Variants in KATNA1 observed in about 807,000 individuals in gnomAD.
KATNA1 encodes the protein katanin p60 ATPase-containing subunit A1.
A neutral mutation model predicts 62.6 loss-of-function variants in KATNA1; 42 were observed. That is an observed-to-expected ratio of 0.67 (90% CI 0.52 to 0.87). The LOEUF (loss-of-function observed/expected upper bound fraction) is 0.87. Ranked by LOEUF, KATNA1 falls within the 40% of genes least tolerant of loss-of-function variation. The pLI is 0.00. For missense variants in KATNA1, 498 were observed against 612.5 expected, an observed-to-expected ratio of 0.81 and a Z score of 1.97; for synonymous variants, 186 against 201.9, an observed-to-expected ratio of 0.92 and a Z score of 0.67.
At chr6:149,644,217 A>G (rs1780396306) in intron 1 of KATNA1, among the ~76,000 whole-genome samples, 1 of 152,160 alleles carries the variant, frequency 6.6e-6, no homozygotes. Flanking sequence ...TAGTTGTTCT[A>G]GATGAGCTTG....
chr6:149,599,548 CCTTT>C (rs1778454517), intron 7 of KATNA1, among the ~76,000 whole-genome samples: 1 of 150,776 alleles, frequency 6.6e-6, no homozygotes, highest in Non-Finnish European at 1.5e-5. Context: ...GCAAATCATC[CCTTT>C]CTTTCTTTCC....
At chr6:149,644,288 G>GT (rs1247498424) in intron 1 of KATNA1, among the ~76,000 whole-genome samples, 1 of 151,864 alleles carries the variant, frequency 6.6e-6, no homozygotes, top group East Asian at 1.9e-4. Flanking sequence ...TTCCTTAATA[G>GT]TCTCCCTGGA....
chr6:149,640,396 T>C (rs1780232596), intron 1 of KATNA1, among the ~76,000 whole-genome samples: 1 of 151,686 alleles, frequency 6.6e-6, no homozygotes, highest in Non-Finnish European at 1.5e-5. Flanking sequence ...AGGTCAAAGC[T>C]GCAGTAAGCC....
chr6:149,611,700 T>C (rs1778962568), intron 4 of KATNA1, among the ~76,000 whole-genome samples: 1 of 151,932 alleles, frequency 6.6e-6, no homozygotes, highest in African/African-American at 2.4e-5. Context: ...CTGCAAGCAC[T>C]TAAAGAATAA....
intron 8 of KATNA1, 152 bp from the exon 9 acceptor site, chr6:149,597,793 A>C (rs1179739561): frequency 1.5e-6 from 1 of 667,558 alleles, no homozygotes; most frequent in Non-Finnish European, 2.5e-6. Flanking sequence ...ACTGGTACCT[A>C]TGTGAATTTG....
chr6:149,626,568 C>T (rs1779618483), intron 3 of KATNA1, among the ~76,000 whole-genome samples: 1 of 150,882 alleles, frequency 6.6e-6, no homozygotes, highest in South Asian at 2.1e-4. Context: ...AGGCGTGAGC[C>T]ACCGCGCCCG....
chr6:149,596,974 G>A, intron 10 of KATNA1, 89 bp downstream of exon 10: 1 of 1,340,686 alleles, frequency 7.5e-7, no homozygotes, highest in Non-Finnish European at 1.0e-6. Flanking sequence ...AGGCAACAGA[G>A]CGAGACTGTG....
intron 4 of KATNA1, among the ~76,000 whole-genome samples, chr6:149,613,781 T>C (rs1779058508): frequency 6.6e-6 from 1 of 152,190 alleles, no homozygotes; most frequent in African/African-American, 2.4e-5. Context: ...AATGTGTCCC[T>C]CCAAAAGCAA....
In KATNA1 at chr6:149,598,220, A is replaced by G. The variant is rs1778401542; in HGVS notation, c.1015+4T>C. 2.5e-6 allele frequency: 4 copies of G among 1,613,876 alleles called. No individual in the cohort carries two copies. The highest frequency in any genetic ancestry group is 2.5e-6 in the Non-Finnish European group (3 of 1,179,922). ...CCTGTTCAACTCAAGCTAAACACAG[A>G]TACCATCCATCTGAACCAGCAGCTC... On this transcript the variant is annotated splice_donor_region_variant and intron_variant, in intron 8 of 10. Transcript: ENST00000367411.
intron 4 of KATNA1, among the ~76,000 whole-genome samples, chr6:149,622,059 A>G (rs538199763): frequency 1.2e-4 from 19 of 152,302 alleles, no homozygotes; most frequent in Non-Finnish European, 2.1e-4. Context: ...AAAATTTTAT[A>G]AAGGTCTGTG....
intron 3 of KATNA1, among the ~76,000 whole-genome samples, chr6:149,630,147 A>G (rs1027081718): frequency 6.6e-6 from 1 of 152,178 alleles, no homozygotes; most frequent in Non-Finnish European, 1.5e-5. Flanking sequence ...TTTTCCCCCT[A>G]CTTCAATGAA....
intron 4 of KATNA1, among the ~76,000 whole-genome samples, chr6:149,607,850 T>G (rs1166631482): frequency 6.6e-6 from 1 of 151,584 alleles, no homozygotes; most frequent in Non-Finnish European, 1.5e-5. Flanking sequence ...CAGATCACCT[T>G]AGGTCAGTAG....
intron 1 of KATNA1, among the ~76,000 whole-genome samples, chr6:149,638,780 C>T (rs1477753155): frequency 6.8e-6 from 1 of 146,750 alleles, no homozygotes; most frequent in Non-Finnish European, 1.5e-5. Context: ...TCTGTGGCCC[C>T]GGCTGGAGCG....
chr6:149,596,253 G>A (rs1424273465), intron 10 of KATNA1, among the ~76,000 whole-genome samples: 4 of 152,176 alleles, frequency 2.6e-5, no homozygotes, highest in South Asian at 2.1e-4. Flanking sequence ...ATGTATGTGG[G>A]GCCGGGCATG....
At position 149,601,578 on chromosome 6, in the gene KATNA1, T is replaced by G; in HGVS notation, c.888+16A>C. On this transcript the variant is annotated intron_variant, in intron 7 of 10. Coordinates refer to ENST00000367411, the MANE Select transcript of KATNA1 (RefSeq NM_007044.4). ...TAGAGAGGTAAAGAATCATTAGAGC[T>G]GTCTCAAACATTCACCATTTCAAAC... 2 of 1,587,558 alleles carry G rather than the reference T, an allele frequency of 1.3e-6. No homozygotes were observed. Among genetic ancestry groups the G allele is most frequent in the East Asian group, 2.3e-5 (1 of 44,336 alleles).
At chr6:149,604,841 G>A (rs1399701612) in intron 4 of KATNA1, 59 bp from the exon 5 acceptor site, 4 of 1,549,476 alleles carry the variant, frequency 2.6e-6, no homozygotes, top group Non-Finnish European at 3.5e-6. Context: ...CTGTGAGTCG[G>A]AAACACAGAT....
rs778764236 is a variant in KATNA1, at chr6:149,623,221, T to C, written c.383A>G (p.Asn128Ser). Residue 128 changes from asparagine to serine, a missense_variant, in exon 4 of 11, where the codon AAT becomes AGT. Physicochemically the swap from Asn to Ser is conservative, Grantham distance 46. Around this residue, in one of 3 missense-constraint regions of KATNA1, gnomAD observed 203 missense variants for 198.4 expected, o/e 1.02. Coordinates refer to ENST00000367411, the MANE Select transcript of KATNA1 (RefSeq NM_007044.4). ...SQYSDPKSHGNRPSTTVRVHR... is the reference protein window; with the variant it reads ...SQYSDPKSHGSRPSTTVRVHR... ...AACTCTGACAGTTGTACTTGGACGA[T>C]TACCATGTGATTTAGGGTCACTGTA... The C allele has an allele frequency of 1.1e-5, 18 of 1,613,848 alleles. No homozygotes were observed. The highest frequency in any genetic ancestry group is 1.5e-5 in the Non-Finnish European group (18 of 1,179,886).
chr6:149,616,011 G>GT (rs1017122376), intron 4 of KATNA1, among the ~76,000 whole-genome samples: 2 of 152,258 alleles, frequency 1.3e-5, no homozygotes, highest in Admixed American at 1.3e-4. Flanking sequence ...ACTTACATAA[G>GT]TAGCCGAATT....
At chr6:149,624,316 A>G (rs956103655) in intron 3 of KATNA1, among the ~76,000 whole-genome samples, 1 of 152,188 alleles carries the variant, frequency 6.6e-6, no homozygotes, top group Non-Finnish European at 1.5e-5. Flanking sequence ...TTTCCCATTT[A>G]AAAAACTGAT....
Sources: allele counts gnomAD v4.1 joint callset (sites outside exome capture counted in the v4.1 genomes callset), GRCh38; gene constraint gnomAD v4.1.1; regional missense constraint gnomAD v4.1.1; transcripts MANE v1.5; gene names NCBI Gene and HGNC (gene_info 2026-07-23, HGNC 2026-07-21).